Variants in MYOM1 observed in about 807,000 individuals in gnomAD.
MYOM1 encodes the protein myomesin 1, also known as myomesin-1.
In MYOM1, 164 loss-of-function variants were observed where a neutral mutation model predicts 205.3. The observed-to-expected ratio is 0.80, with a 90% CI of 0.70 to 0.91. The LOEUF is 0.91. MYOM1 is among the 40% of genes least tolerant of loss of function. The pLI, the probability that MYOM1 is intolerant of heterozygous loss-of-function variation, is 0.00. For synonymous variants in MYOM1, 772 were observed against 789.4 expected (o/e 0.98, Z 0.37); for missense variants, 2,011 against 2,127.3 (o/e 0.95, Z 1.08).
chr18:3,233,434 T>C, the MYOM1 span, among the ~76,000 whole-genome samples: 3 of 152,196 alleles, frequency 2.0e-5, no homozygotes, highest in Non-Finnish European at 2.9e-5. Context: ...TTGGGAAGCA[T>C]GTCCCCTTAC....
rs1248946207 is a variant in MYOM1 at position 3,151,750 on chromosome 18, G to A, written c.1787C>T (p.Ser596Phe). ...AGCAGCCACGGGCTCGGAAACTCGA[G>A]ATGGGAAACCTATTCCCATTTTATT... ...AVNKMGIGFPSRVSEPVAALD... is the reference protein window; with the variant it reads ...AVNKMGIGFPFRVSEPVAALD... Residue 596 changes from serine (S) to phenylalanine (F), a missense_variant, in exon 12 of 38, where the codon TCT becomes TTT. Physicochemically the swap from Ser to Phe is radical, Grantham distance 155 (BLOSUM62 -2). Transcript: ENST00000356443. 8 of 1,613,736 alleles carry A rather than the reference G, an allele frequency of 5.0e-6. No individual in the cohort carries two copies. The highest frequency in any genetic ancestry group is 6.8e-6 in the Non-Finnish European group (8 of 1,179,828).
rs78331937 is a variant in MYOM1 at position 3,072,350 on chromosome 18, CT to C, written c.4709-462del. On this transcript the variant is annotated intron_variant, in intron 36 of 37. Coordinates refer to ENST00000356443, the MANE Select transcript of MYOM1 (RefSeq NM_003803.4). ...AGCAGGCGTGAGCCACCGCACCCGG[CT>C]TTTTTTTTTTTTTTTTTTTTGAGGC... Among the ~76,000 whole-genome samples, 182 of 56,208 alleles carry C rather than the reference CT, an allele frequency of 3.2e-3. 1 individual carries two copies. The highest frequency in any genetic ancestry group is 0.013 in the African/African-American group (136 of 10,706). The allele number at this position is 56,208 out of a possible 152,430, so 36.9% of individuals were successfully genotyped here. A position where few individuals can be genotyped will look rare whatever the true frequency, so the allele number is the denominator to read the frequency against.
intron 22 of MYOM1, among the ~76,000 whole-genome samples, chr18:3,105,507 T>C (rs1359382528): frequency 1.3e-5 from 2 of 152,160 alleles, no homozygotes; most frequent in African/African-American, 4.8e-5. Context: ...AACAATAATT[T>C]GTTCAGGTTT....
chr18:3,135,017 C>T lies in MYOM1; in HGVS notation c.2210-193G>A, dbSNP rs1009038301. ...AGGCTGGAGAGCAGTGGCGGGATCT[C>T]GGCTCACTGCAGCCCCCACCTCCTG... is the stretch of plus-strand genomic sequence containing the variant. On this transcript the variant is annotated intron_variant, in intron 15 of 37. Transcript: ENST00000356443. This position sits in a 1 kb window ranked among gnomAD's most constrained non-coding sequence, Gnocchi z 4.1. The T allele has an allele frequency of 8.5e-5, 46 of 538,258 alleles. No homozygotes were observed. The highest frequency in any genetic ancestry group is 2.9e-4 in the African/African-American group (15 of 51,904). The allele number at this position is 538,258 out of a possible 1,614,324, so 33.3% of individuals were successfully genotyped here.
the MYOM1 span, among the ~76,000 whole-genome samples, chr18:3,229,182 G>T: frequency 5.9e-5 from 9 of 152,118 alleles, no homozygotes; most frequent in Admixed American, 1.3e-4. Context: ...TCGGGCTCTT[G>T]TTTATTCATA....
intron 2 of MYOM1, among the ~76,000 whole-genome samples, chr18:3,201,535 T>C (rs573977292): frequency 2.0e-5 from 3 of 152,026 alleles, no homozygotes; most frequent in African/African-American, 7.2e-5. Flanking sequence ...CATACACACA[T>C]GTACATGCAC....
Position 3,110,139 on chromosome 18 carries a change from T to C in MYOM1, c.3418+2159A>G, listed in dbSNP as rs566473729. On this transcript the variant is annotated intron_variant, in intron 22 of 37. Transcript: ENST00000356443. ...ATTTTGTAATCTGATATGATAATTC[T>C]TTCTCATATAAAGTGTTTTACATGA... Among the ~76,000 whole-genome samples, 8 of 152,384 alleles carry C rather than the reference T, an allele frequency of 5.2e-5. No homozygotes were observed. The South Asian group carries it at 1.7e-3, about 32-fold the overall frequency.
intron 2 of MYOM1, among the ~76,000 whole-genome samples, chr18:3,205,572 G>A (rs561818081): frequency 7.2e-5 from 11 of 152,262 alleles, no homozygotes; most frequent in African/African-American, 2.6e-4. Context: ...AACAATAAAT[G>A]TTGACAAGGA....
chr18:3,233,422 T>C, the MYOM1 span, among the ~76,000 whole-genome samples: 1 of 152,228 alleles, frequency 6.6e-6, no homozygotes, highest in South Asian at 2.1e-4. Context: ...AGTAAGTTAC[T>C]CTTGGGAAGC....
In MYOM1 at chr18:3,209,949, C is replaced by T. The variant is rs143221164; in HGVS notation, c.290+4985G>A. On this transcript the variant is annotated intron_variant, in intron 2 of 37. Transcript: ENST00000356443. This position sits in a 1 kb window ranked among gnomAD's most constrained non-coding sequence, Gnocchi z 4.0. ...CCCAAGCACCTAGAGCAGTGCTTAGCGCTCAGTAAATATTTATTGAATGAA... is the reference window on the plus strand; with the variant it reads ...CCCAAGCACCTAGAGCAGTGCTTAGTGCTCAGTAAATATTTATTGAATGAA... 1.1e-3 allele frequency among the ~76,000 whole-genome samples: 170 copies of T among 152,302 alleles called. No homozygotes were observed. The highest frequency in any genetic ancestry group is 1.7e-3 in the Non-Finnish European group (119 of 68,024).
intron 18 of MYOM1, among the ~76,000 whole-genome samples, chr18:3,127,282 C>CATATATATATATATATATATAT (rs1241920775): frequency 3.2e-4 from 19 of 59,488 alleles, no homozygotes; most frequent in South Asian, 7.3e-4. Flanking sequence ...TCAGAATTTC[C>CATATATATATATATATATATAT]ATATATATAT....
At position 3,079,169 on chromosome 18, in the gene MYOM1, ATC is replaced by A. The variant is rs755429157; in HGVS notation, c.4648+8_4648+9del. On this transcript the variant is annotated splice_region_variant and intron_variant, in intron 34 of 37. Coordinates refer to ENST00000356443, the MANE Select transcript of MYOM1 (RefSeq NM_003803.4). ...TAGAGTAAATTTGAATCTGCAAAAT[ATC>A]TGTTTACCTTGTCCAGAGAGATCCA... 3.1e-6 allele frequency: 5 copies of A among 1,613,100 alleles called. No homozygotes were observed. In the Admixed American group the frequency reaches 5.0e-5, roughly 16 times the overall value.
At chr18:3,224,175 C>T (rs2144288343), upstream of MYOM1, among the ~76,000 whole-genome samples, 1 of 152,154 alleles carries the variant, frequency 6.6e-6, no homozygotes, top group East Asian at 1.9e-4. Context: ...ACTACAGGCG[C>T]CCGCCTTGTC....
At chr18:3,190,053 TG>T (rs1277185359) in intron 3 of MYOM1, among the ~76,000 whole-genome samples, 1 of 152,196 alleles carries the variant, frequency 6.6e-6, no homozygotes, top group Non-Finnish European at 1.5e-5. Context: ...AAACTTGTGA[TG>T]GAAGTGGTGA....
chr18:3,176,219 G>A (rs1598744449), intron 5 of MYOM1, 85 bp from the exon 6 acceptor site: 2 of 791,282 alleles, frequency 2.5e-6, no homozygotes, highest in South Asian at 3.2e-5. Context: ...TGTTCTTGCA[G>A]GAACATCTGT....
intron 4 of MYOM1, 84 bp downstream of exon 4, chr18:3,188,664 T>A: frequency 3.2e-6 from 4 of 1,243,642 alleles, no homozygotes; most frequent in Non-Finnish European, 3.2e-6. Context: ...TCAATCTATA[T>A]CTACACACAC....
At chr18:3,081,088 G>A (rs958807799) in intron 33 of MYOM1, among the ~76,000 whole-genome samples, 17 of 150,682 alleles carry the variant, frequency 1.1e-4, no homozygotes, top group Non-Finnish European at 2.1e-4. Context: ...CCGGGATCAC[G>A]CCACTGCACT....
At chr18:3,202,416 C>A (rs2081080086) in intron 2 of MYOM1, among the ~76,000 whole-genome samples, 1 of 139,896 alleles carries the variant, frequency 7.1e-6, no homozygotes, top group Admixed American at 6.8e-5. Flanking sequence ...ACAGATTCAA[C>A]TAATCCACTT....
At chr18:3,110,450 G>A (rs185519518) in intron 22 of MYOM1, among the ~76,000 whole-genome samples, 14 of 152,284 alleles carry the variant, frequency 9.2e-5, no homozygotes, top group South Asian at 6.2e-4. Context: ...AGTACAAGAC[G>A]ACTGGGGTGA....
Sources: gnomAD v4.1 joint callset for allele counts (sites outside exome capture counted in the v4.1 genomes callset) on GRCh38, gnomAD v4.1.1 for gene constraint, Gnocchi (gnomAD v3.1) non-coding constraint, MANE v1.5 for transcripts, NCBI Gene and HGNC (gene_info 2026-07-23, HGNC 2026-07-21) for gene names.